The following KIF1A variants were observed in gnomAD, a reference collection of about 807,000 sequenced individuals.
KIF1A encodes the protein kinesin-like protein KIF1A.
In KIF1A, 46 loss-of-function variants were observed where a neutral mutation model predicts 227.3. That is an observed-to-expected ratio of 0.20 (90% CI 0.16 to 0.26). KIF1A has a LOEUF of 0.26. KIF1A is among the 10% of genes least tolerant of loss of function. The probability of loss-of-function intolerance (pLI) is 1.00; values close to 1 mark genes in which losing one functional copy is unlikely to be tolerated. For synonymous variants in KIF1A, 1,022 were observed against 1,012.8 expected (o/e 1.01, Z -0.17); for missense variants, 1,683 against 2,485.9 (o/e 0.68, Z 6.87).
Position 240,745,516 on chromosome 2 carries a change from A to G in KIF1A, c.3376T>C (p.Phe1126Leu). The G allele has an allele frequency of 6.2e-7, 1 of 1,609,728 alleles. No individual in the cohort carries two copies. Among genetic ancestry groups the G allele is most frequent in the South Asian group, 1.1e-5 (1 of 90,600 alleles). Residue 1126 changes from phenylalanine to leucine, a missense_variant and splice_region_variant, in exon 32 of 49, where the codon TTC becomes CTC. Physicochemically the swap from Phe to Leu is conservative, Grantham distance 22. Coordinates refer to ENST00000498729, the MANE Select transcript of KIF1A (RefSeq NM_001244008.2). ...AAGGCCTCGTCGTGGCGGTGGATGA[A>G]GCTGCAAAGCAGAGGAGATGCTTTG... ...EYADIFCQFNFIHRHDEAFST... is the reference protein window; with the variant it reads ...EYADIFCQFNLIHRHDEAFST...
At chr2:240,774,838 G>C (rs568393619) in intron 11 of KIF1A, among the ~76,000 whole-genome samples, 4 of 152,214 alleles carry the variant, frequency 2.6e-5, no homozygotes, top group African/African-American at 9.6e-5. Flanking sequence ...ACTGCTGCCT[G>C]GCGGTGCTTC....
intron 25 of KIF1A, among the ~76,000 whole-genome samples, chr2:240,759,824 G>C (rs1032205457): frequency 3.9e-5 from 6 of 152,088 alleles, no homozygotes; most frequent in African/African-American, 1.4e-4. Flanking sequence ...CTGTGCAACA[G>C]AGCGAGACCT....
At chr2:240,811,854 T>A (rs758815222) in intron 1 of KIF1A, among the ~76,000 whole-genome samples, 2 of 151,812 alleles carry the variant, frequency 1.3e-5, no homozygotes, top group Non-Finnish European at 2.9e-5. Context: ...ACACCACGGG[T>A]GTCTGAGGCT....
At position 240,762,711 on chromosome 2, in the gene KIF1A, C is replaced by A. The variant is rs761955667; in HGVS notation, c.2116+8G>T. ...GACGCAGCAGGTGCTGGCCCAGTGA[C>A]CCCTCACCTTCATCCTCGGGCTCCT... is the stretch of plus-strand genomic sequence containing the variant. On this transcript the variant is annotated splice_region_variant and intron_variant, in intron 23 of 48. Transcript: ENST00000498729. 2 of 1,581,318 alleles carry A rather than the reference C, an allele frequency of 1.3e-6. No homozygotes were observed. Among genetic ancestry groups the A allele is most frequent in the Admixed American group, 1.7e-5 (1 of 58,726 alleles).
Position 240,792,821 on chromosome 2 carries a change from G to A in KIF1A, c.107-3509C>T, listed in dbSNP as rs1197835106. On this transcript the variant is annotated intron_variant, in intron 2 of 48. Coordinates refer to ENST00000498729, the MANE Select transcript of KIF1A (RefSeq NM_001244008.2). This position sits in a 1 kb window ranked among gnomAD's most constrained non-coding sequence, Gnocchi z 4.5. ...TGGTGGGATGAGTGGCTTTAAAGGA[G>A]GGGAAGGGACCCGAGCTCCCTGGGC... is the stretch of plus-strand genomic sequence containing the variant. Among the ~76,000 whole-genome samples the A allele has an allele frequency of 2.6e-5, 4 of 152,146 alleles. No homozygotes were observed. The highest frequency in any genetic ancestry group is 9.7e-5 in the African/African-American group (4 of 41,442).
At chr2:240,786,059 G>A (rs945785466) in intron 6 of KIF1A, among the ~76,000 whole-genome samples, 1 of 152,160 alleles carries the variant, frequency 6.6e-6, no homozygotes, top group Non-Finnish European at 1.5e-5. Context: ...AGCAGCCACA[G>A]ATGCTGCCAG....
intron 33 of KIF1A, among the ~76,000 whole-genome samples, chr2:240,743,235 C>T (rs1390691183): frequency 6.6e-6 from 1 of 152,142 alleles, no homozygotes; most frequent in Non-Finnish European, 1.5e-5. Context: ...CAGGCACTCG[C>T]GAGGACAGAC....
At chr2:240,767,698 C>T (rs2051390077) in intron 17 of KIF1A, among the ~76,000 whole-genome samples, 2 of 152,248 alleles carry the variant, frequency 1.3e-5, no homozygotes, top group Admixed American at 6.5e-5. Flanking sequence ...CTGGGGTGAG[C>T]CCCCAGATGT....
At chr2:240,762,942 G>A in intron 22 of KIF1A, 77 bp downstream of exon 22, 2 of 1,352,138 alleles carry the variant, frequency 1.5e-6, no homozygotes, top group Admixed American at 2.3e-5. Context: ...AAGCAGGGAG[G>A]AGTGGGGGCG....
Position 240,722,675 on chromosome 2 carries a change from G to A in KIF1A, c.4465-19C>T. On this transcript the variant is annotated intron_variant, in intron 42 of 48. Coordinates refer to ENST00000498729, the MANE Select transcript of KIF1A (RefSeq NM_001244008.2). ...TCTCCACCTTCAGACAGGACACAAG[G>A]CCTTACCTGCTGCACCTCAGGGGTG... 5 of 1,485,718 alleles carry A rather than the reference G, an allele frequency of 3.4e-6. No individual in the cohort carries two copies. Among genetic ancestry groups the A allele is most frequent in the Non-Finnish European group, 4.5e-6 (5 of 1,111,848 alleles). The allele number at this position is 1,485,718 out of a possible 1,614,324, so 92.0% of individuals were successfully genotyped here.
chr2:240,720,720 G>A, intron 45 of KIF1A, 194 bp downstream of exon 45: 1 of 543,762 alleles, frequency 1.8e-6, no homozygotes, highest in Non-Finnish European at 3.2e-6. Context: ...CTAGGATGGA[G>A]CTGGCGGGGC....
chr2:240,747,988 G>A (rs904158697), intron 28 of KIF1A, among the ~76,000 whole-genome samples: 1 of 152,230 alleles, frequency 6.6e-6, no homozygotes, highest in Non-Finnish European at 1.5e-5. Context: ...GACACCACCA[G>A]TGCAAGGGCC....
At chr2:240,820,490 G>C (rs2058652970), upstream of KIF1A, among the ~76,000 whole-genome samples, 1 of 149,992 alleles carries the variant, frequency 6.7e-6, no homozygotes, top group Non-Finnish European at 1.5e-5. This position sits in a 1 kb window ranked among gnomAD's most constrained non-coding sequence, Gnocchi z 6.2. Flanking sequence ...CCCCTCCCCC[G>C]GCGTGCCCCT....
chr2:240,742,951 C>A lies in KIF1A; in HGVS notation c.3618G>T (p.Arg1206=). 1 of 1,611,846 alleles carries A rather than the reference C, an allele frequency of 6.2e-7. No individual in the cohort carries two copies. Among genetic ancestry groups the A allele is most frequent in the Non-Finnish European group, 8.5e-7 (1 of 1,178,968 alleles). ...TACCTGGCTTGGACAGTGGCATGAC[C>A]CGAGGGAAGTGGCGGCGCGAGGGCC... ...PLRPSRRHFP[R]VMPLSKPVPA... is the part of the protein sequence containing the mutation. Residue 1206 remains arginine, a synonymous_variant, in exon 34 of 49, where the codon CGG becomes CGT. Transcript: ENST00000498729.
In KIF1A at chr2:240,745,729, G is replaced by A. The variant is rs1241500694; in HGVS notation, c.3374+9C>T. The A allele has an allele frequency of 6.2e-7, 1 of 1,610,614 alleles. No homozygotes were observed. Among genetic ancestry groups the A allele is most frequent in the Non-Finnish European group, 8.5e-7 (1 of 1,178,742 alleles). ...GCAGCGCAGGGACACAAAGGCAGCA[G>A]GGCCTCACTTGAACTGGCAGAAGAT... On this transcript the variant is annotated intron_variant, in intron 31 of 48. Coordinates refer to ENST00000498729, the MANE Select transcript of KIF1A (RefSeq NM_001244008.2).
Position 240,740,914 on chromosome 2 carries a change from C to T in KIF1A, c.3749+355G>A, listed in dbSNP as rs1251347477. Among the ~76,000 whole-genome samples, 1 of 151,900 alleles carries T rather than the reference C, an allele frequency of 6.6e-6. No homozygotes were observed. Among genetic ancestry groups the T allele is most frequent in the Non-Finnish European group, 1.5e-5 (1 of 67,954 alleles). ...TGCCTCCCCAGGGCCTCAGGGCTCC[C>T]CTCCCACCTCCCTCAAAAGTCCCTT... On this transcript the variant is annotated intron_variant, in intron 35 of 48. Transcript: ENST00000498729. This position sits in a 1 kb window ranked among gnomAD's most constrained non-coding sequence, Gnocchi z 6.1.
chr2:240,720,193 C>T (rs933227184), intron 45 of KIF1A: 44 of 364,786 alleles, frequency 1.2e-4, no homozygotes, highest in Middle Eastern at 7.1e-4. Flanking sequence ...CCCCACTCCA[C>T]GCCCTTCTCC....
At chr2:240,728,002 C>T (rs2046225423) in intron 38 of KIF1A, among the ~76,000 whole-genome samples, 1 of 152,226 alleles carries the variant, frequency 6.6e-6, no homozygotes, top group Admixed American at 6.5e-5. Flanking sequence ...ATCCACCCAG[C>T]CTCACCCAGC....
At chr2:240,733,192 C>G (rs944318935) in intron 38 of KIF1A, among the ~76,000 whole-genome samples, 5 of 151,994 alleles carry the variant, frequency 3.3e-5, no homozygotes, top group Non-Finnish European at 7.4e-5. Flanking sequence ...GTGAATGTTG[C>G]GGCCCCACCA....
Sources: gnomAD v4.1 joint callset for allele counts (sites outside exome capture counted in the v4.1 genomes callset) on GRCh38, gnomAD v4.1.1 for gene constraint, Gnocchi (gnomAD v3.1) non-coding constraint, MANE v1.5 for transcripts, NCBI Gene and HGNC (gene_info 2026-07-23, HGNC 2026-07-21) for gene names.